RORA: variants seen among roughly 807,000 people sequenced by gnomAD.
RORA encodes the protein nuclear receptor ROR-alpha.
Under a neutral mutation model 69.5 loss-of-function variants are expected in RORA, and 7 were observed. The observed-to-expected ratio is 0.10, with a 90% CI of 0.06 to 0.19. The LOEUF is 0.19. RORA is among the 10% of genes least tolerant of loss of function. The probability of loss-of-function intolerance (pLI) is 1.00; values close to 1 mark genes in which losing one functional copy is unlikely to be tolerated. For missense variants in RORA, 457 were observed against 663.0 expected (o/e 0.69, Z 3.41); for synonymous variants, 261 against 240.8 (o/e 1.08, Z -0.78).
At chr15:60,707,072 C>T (rs2071073161) in intron 1 of RORA, among the ~76,000 whole-genome samples, 1 of 152,168 alleles carries the variant, frequency 6.6e-6, no homozygotes, top group Non-Finnish European at 1.5e-5. Context: ...GAAGATACCA[C>T]TTTTTCCAAT....
intron 1 of RORA, among the ~76,000 whole-genome samples, chr15:60,798,363 G>A (rs1393110894): frequency 3.3e-5 from 5 of 151,946 alleles, no homozygotes; most frequent in African/African-American, 1.2e-4. Context: ...ATTCAAAAAT[G>A]AGTTTAAAAA....
intron 2 of RORA, among the ~76,000 whole-genome samples, chr15:60,585,122 C>T (rs562485128): frequency 1.8e-4 from 27 of 152,236 alleles, no homozygotes; most frequent in African/African-American, 5.8e-4. Context: ...TTCATATAAA[C>T]GTGCATTCTT....
chr15:60,849,470 A>T (rs926278890), intron 1 of RORA, among the ~76,000 whole-genome samples: 2 of 152,250 alleles, frequency 1.3e-5, no homozygotes, highest in Non-Finnish European at 2.9e-5. Context: ...TTTACGAGGT[A>T]CCATGATGAT....
intron 1 of RORA, chr15:60,847,999 C>T (rs2073285235): frequency 6.6e-6 from 1 of 152,350 alleles, no homozygotes; most frequent in African/African-American, 2.4e-5. Flanking sequence ...TGCGCTCCTT[C>T]TCTGGCTCCC....
At chr15:60,756,456 G>A (rs183318522) in intron 1 of RORA, among the ~76,000 whole-genome samples, 14 of 152,294 alleles carry the variant, frequency 9.2e-5, no homozygotes, top group African/African-American at 3.1e-4. Context: ...TGCATCTGAT[G>A]ATAACTTTAT....
intron 1 of RORA, among the ~76,000 whole-genome samples, chr15:61,042,895 A>C (rs1308160602): frequency 6.6e-6 from 1 of 152,172 alleles, no homozygotes; most frequent in African/African-American, 2.4e-5. Context: ...CTCCCCTTCT[A>C]AAGCAATGCA....
chr15:60,809,673 C>A (rs748739018), intron 1 of RORA, among the ~76,000 whole-genome samples: 1 of 151,742 alleles, frequency 6.6e-6, no homozygotes, highest in Non-Finnish European at 1.5e-5. Flanking sequence ...TGCAATTTAT[C>A]ACAGTTTTGG....
intron 1 of RORA, among the ~76,000 whole-genome samples, chr15:60,841,939 T>C (rs1047425941): frequency 1.3e-5 from 2 of 152,126 alleles, no homozygotes; most frequent in African/African-American, 4.8e-5. Flanking sequence ...GGTCCAGTGA[T>C]CCCAGATGGT....
intron 1 of RORA, among the ~76,000 whole-genome samples, chr15:60,911,409 A>C (rs983845570): frequency 6.6e-6 from 1 of 152,202 alleles, no homozygotes. Flanking sequence ...ATTTTCTGTC[A>C]TACTCAGTCA....
chr15:61,197,164 CT>C (rs1000129061), intron 1 of RORA, among the ~76,000 whole-genome samples: 3 of 152,244 alleles, frequency 2.0e-5, no homozygotes, highest in African/African-American at 7.2e-5. Flanking sequence ...ACAATGACTA[CT>C]GACAAGAGCA....
intron 2 of RORA, among the ~76,000 whole-genome samples, chr15:60,556,035 C>G (rs761416032): frequency 1.3e-5 from 2 of 152,110 alleles, no homozygotes; most frequent in Non-Finnish European, 2.9e-5. Flanking sequence ...GACCTATTTT[C>G]TGCTGTTTCT....
intron 1 of RORA, among the ~76,000 whole-genome samples, chr15:60,817,748 CTG>C: frequency 6.6e-6 from 1 of 152,340 alleles, no homozygotes; most frequent in Admixed American, 6.5e-5. Context: ...CCAAAACACC[CTG>C]TGTTTGTCCC....
chr15:60,819,759 A>ACACACACACACACACACGCGCG (rs1555455748), intron 1 of RORA, among the ~76,000 whole-genome samples: 4 of 132,798 alleles, frequency 3.0e-5, no homozygotes, highest in African/African-American at 1.1e-4. Context: ...ACACACACAC[A>ACACACACACACACACACGCGCG]CACACACACA....
chr15:60,640,625 A>AT (rs1383749619), intron 2 of RORA, among the ~76,000 whole-genome samples: 16 of 152,014 alleles, frequency 1.1e-4, no homozygotes, highest in African/African-American at 3.9e-4. Context: ...TCTTCTATAA[A>AT]ATTTTTTTTT....
chr15:60,972,156 A>G (rs1893736766), intron 1 of RORA, among the ~76,000 whole-genome samples: 1 of 152,232 alleles, frequency 6.6e-6, no homozygotes, highest in Non-Finnish European at 1.5e-5. Flanking sequence ...AAAAACAGCC[A>G]GTCAGATCAA....
chr15:61,176,968 T>C (rs1003109999), intron 1 of RORA, among the ~76,000 whole-genome samples: 3 of 152,200 alleles, frequency 2.0e-5, no homozygotes, highest in African/African-American at 7.2e-5. Flanking sequence ...ATTTATTGAA[T>C]GCCTGCTCTC....
intron 3 of RORA, chr15:60,528,270 G>C (rs965294984): frequency 6.6e-6 from 1 of 152,204 alleles, no homozygotes. Context: ...TTGCTGTGTT[G>C]CTCAGGCTGG....
At chr15:61,169,751 A>G (rs946207618) in intron 1 of RORA, among the ~76,000 whole-genome samples, 2 of 148,636 alleles carry the variant, frequency 1.3e-5, no homozygotes, top group Non-Finnish European at 1.5e-5. Flanking sequence ...CCCCCCAGCA[A>G]CTGTCTTCCT....
At chr15:60,577,489 C>A (rs997418867) in intron 2 of RORA, among the ~76,000 whole-genome samples, 4 of 151,830 alleles carry the variant, frequency 2.6e-5, no homozygotes, top group Non-Finnish European at 4.4e-5. Flanking sequence ...ACTAAAAATA[C>A]AAAAATTAGC....
Sources: gnomAD v4.1 joint callset for allele counts (sites outside exome capture counted in the v4.1 genomes callset) on GRCh38, gnomAD v4.1.1 for gene constraint, MANE v1.5 for transcripts, NCBI Gene and HGNC (gene_info 2026-07-23, HGNC 2026-07-21) for gene names.